MSRA: variants seen among roughly 807,000 people sequenced by gnomAD.
The protein encoded by MSRA is methionine sulfoxide reductase A, also known as mitochondrial peptide methionine sulfoxide reductase.
Under a neutral mutation model 31.3 loss-of-function variants are expected in MSRA, and 54 were observed. The observed-to-expected ratio is 1.73, with a 90% CI of 1.39 to 2.17. The LOEUF is 2.17. Among genes scored for constraint, MSRA ranks in the 30% most tolerant of loss-of-function variants. The pLI is 0.00. For missense variants in MSRA, 507 were observed against 300.9 expected (o/e 1.69, Z -5.07); for synonymous variants, 169 against 116.5 (o/e 1.45, Z -2.90).
chr8:10,079,013 C>T (rs1798142689), intron 1 of MSRA, among the ~76,000 whole-genome samples: 1 of 152,182 alleles, frequency 6.6e-6, no homozygotes, highest in African/African-American at 2.4e-5. Flanking sequence ...TCGTGTTGTT[C>T]CAGTATTCAC....
At chr8:10,133,814 G>T (rs1457507807) in intron 1 of MSRA, among the ~76,000 whole-genome samples, 4 of 151,258 alleles carry the variant, frequency 2.6e-5, no homozygotes, top group African/African-American at 7.3e-5. Context: ...GGATCCTATG[G>T]TTTTTTTTTG....
At chr8:10,088,542 C>G (rs1229347894) in intron 1 of MSRA, among the ~76,000 whole-genome samples, 3 of 152,038 alleles carry the variant, frequency 2.0e-5, no homozygotes, top group African/African-American at 7.3e-5. Context: ...CGAGACCAGC[C>G]CAGCCAACAT....
rs78528926 is a variant in MSRA, at chr8:10,162,617, C to G, written c.143-45216C>G. On this transcript the variant is annotated intron_variant, in intron 1 of 5. Coordinates refer to ENST00000317173, the MANE Select transcript of MSRA (RefSeq NM_012331.5). ...TGTCAAACTGTGGCACAGGGGAAAC[C>G]CGTAGCTCTGTGCCTTACTATTTTA... Among the ~76,000 whole-genome samples, 812 of 152,258 alleles carry G rather than the reference C, an allele frequency of 5.3e-3. 5 individuals carry two copies. The highest frequency in any genetic ancestry group is 0.019 in the African/African-American group (774 of 41,556).
intron 1 of MSRA, among the ~76,000 whole-genome samples, chr8:10,060,283 G>T (rs1054408033): frequency 6.6e-6 from 1 of 151,518 alleles, no homozygotes. Flanking sequence ...CTGTAAAAAA[G>T]AATGTGGAAC....
chr8:10,411,352 C>G (rs1395680377), intron 5 of MSRA: 1 of 152,212 alleles, frequency 6.6e-6, no homozygotes. Context: ...AGCTTCTTTT[C>G]TCTCTGTCTT....
chr8:10,081,880 C>A (rs898322577), intron 1 of MSRA, among the ~76,000 whole-genome samples: 4 of 152,102 alleles, frequency 2.6e-5, no homozygotes, highest in African/African-American at 9.7e-5. Context: ...CGAATTCTAC[C>A]CCCTCTGCTG....
At chr8:10,368,126 G>C (rs1032014312) in intron 5 of MSRA, among the ~76,000 whole-genome samples, 7 of 152,214 alleles carry the variant, frequency 4.6e-5, no homozygotes, top group African/African-American at 1.7e-4. Flanking sequence ...GCCATGGAAA[G>C]AAAGGGTACC....
chr8:10,128,853 A>G (rs1336970914), intron 1 of MSRA, among the ~76,000 whole-genome samples: 4 of 152,270 alleles, frequency 2.6e-5, no homozygotes, highest in Admixed American at 2.0e-4. Flanking sequence ...ACATAGTAGA[A>G]TGAATCATCA....
intron 5 of MSRA, among the ~76,000 whole-genome samples, chr8:10,419,528 G>A (rs1424333379): frequency 6.6e-6 from 1 of 152,194 alleles, no homozygotes; most frequent in Non-Finnish European, 1.5e-5. Flanking sequence ...GATGACGTGA[G>A]ATGGTGAAAG....
intron 4 of MSRA, among the ~76,000 whole-genome samples, chr8:10,317,253 C>A (rs529047902): frequency 2.6e-5 from 4 of 152,312 alleles, no homozygotes; most frequent in African/African-American, 9.6e-5. Context: ...CACCTAGCAA[C>A]AACTCTTAGC....
chr8:10,376,728 G>C (rs1447262282), intron 5 of MSRA, among the ~76,000 whole-genome samples: 1 of 152,180 alleles, frequency 6.6e-6, no homozygotes, highest in Non-Finnish European at 1.5e-5. Flanking sequence ...AGAACTACCA[G>C]TGTTCGGTGA....
intron 2 of MSRA, among the ~76,000 whole-genome samples, chr8:10,243,288 C>G (rs542613831): frequency 1.3e-5 from 2 of 152,252 alleles, no homozygotes; most frequent in South Asian, 2.1e-4. Flanking sequence ...GCCTGGTGCT[C>G]TGCACAGATC....
chr8:10,075,771 A>G (rs1797966589), intron 1 of MSRA, among the ~76,000 whole-genome samples: 1 of 152,314 alleles, frequency 6.6e-6, no homozygotes, highest in East Asian at 1.9e-4. Context: ...ACAGAGCAAT[A>G]TTATTCTCTG....
intron 1 of MSRA, among the ~76,000 whole-genome samples, chr8:10,159,011 A>G (rs1050699003): frequency 1.3e-5 from 2 of 152,216 alleles, no homozygotes; most frequent in African/African-American, 4.8e-5. Context: ...GCATGATCTC[A>G]TTTAGATTTT....
intron 1 of MSRA, among the ~76,000 whole-genome samples, chr8:10,098,036 A>T (rs564680986): frequency 9.9e-5 from 15 of 152,036 alleles, no homozygotes; most frequent in South Asian, 4.1e-4. Flanking sequence ...AGCTTTTTTT[A>T]AAAAAAAGTG....
intron 5 of MSRA, among the ~76,000 whole-genome samples, chr8:10,403,783 G>A (rs1484027921): frequency 6.6e-6 from 1 of 152,218 alleles, no homozygotes; most frequent in East Asian, 1.9e-4. Context: ...GAGGCAGACG[G>A]GCGGGACGTG....
At chr8:10,058,126 G>A (rs1802499571) in intron 1 of MSRA, among the ~76,000 whole-genome samples, 1 of 152,078 alleles carries the variant, frequency 6.6e-6, no homozygotes, top group Non-Finnish European at 1.5e-5. Context: ...TTTTGTTACA[G>A]TGCTTTTTTT....
chr8:10,197,087 C>G (rs972953478), intron 1 of MSRA, among the ~76,000 whole-genome samples: 2 of 152,124 alleles, frequency 1.3e-5, no homozygotes, highest in African/African-American at 4.8e-5. Context: ...AGGCATCAGG[C>G]TGAAATACAG....
At chr8:10,394,289 G>A (rs548959657) in intron 5 of MSRA, among the ~76,000 whole-genome samples, 101 of 152,288 alleles carry the variant, frequency 6.6e-4, no homozygotes, top group African/African-American at 2.2e-3. Context: ...AGCGACGATA[G>A]TTTGTATTTT....
Sources: allele counts gnomAD v4.1 joint callset (sites outside exome capture counted in the v4.1 genomes callset), GRCh38; gene constraint gnomAD v4.1.1; transcripts MANE v1.5; gene names NCBI Gene and HGNC (gene_info 2026-07-23, HGNC 2026-07-21).